The following MAEL variants were observed in gnomAD, a reference collection of about 807,000 sequenced individuals.
The protein encoded by MAEL is maelstrom spermatogenic transposon silencer, also known as protein maelstrom homolog.
A neutral mutation model predicts 62.0 loss-of-function variants in MAEL; 46 were observed. The observed-to-expected ratio is 0.74, with a 90% CI of 0.59 to 0.95. The LOEUF (loss-of-function observed/expected upper bound fraction) is 0.95. Among genes scored for constraint, MAEL ranks in the 40% least tolerant of loss-of-function variants. The pLI is 0.00. For synonymous variants in MAEL, 172 were observed against 175.5 expected (o/e 0.98, Z 0.16); for missense variants, 497 against 526.8 (o/e 0.94, Z 0.55).
At chr1:166,977,539 A>T (rs764212683) in intron 1 of MAEL, among the ~76,000 whole-genome samples, 9 of 152,232 alleles carry the variant, frequency 5.9e-5, no homozygotes, top group Non-Finnish European at 1.3e-4. Context: ...CAAAAAGAAC[A>T]TCTACACCAG....
intron 8 of MAEL, among the ~76,000 whole-genome samples, chr1:167,011,116 A>G (rs1214760604): frequency 6.6e-6 from 1 of 152,100 alleles, no homozygotes; most frequent in Non-Finnish European, 1.5e-5. Flanking sequence ...ATATTTACGT[A>G]AAGAATGGGC....
intron 2 of MAEL, among the ~76,000 whole-genome samples, chr1:166,991,132 T>C (rs952409982): frequency 2.0e-5 from 3 of 152,198 alleles, no homozygotes; most frequent in Admixed American, 6.5e-5. Context: ...GGATAATCAG[T>C]AGTGGGCAAA....
At chr1:167,000,666 G>A (rs1664623470) in intron 5 of MAEL, among the ~76,000 whole-genome samples, 1 of 152,198 alleles carries the variant, frequency 6.6e-6, no homozygotes, top group African/African-American at 2.4e-5. Context: ...CTTCATGAGA[G>A]GAAGAGTCAG....
At chr1:167,016,319 T>G in intron 9 of MAEL, 35 bp downstream of exon 9, 1 of 1,588,760 alleles carries the variant, frequency 6.3e-7, no homozygotes, top group Non-Finnish European at 8.6e-7. Context: ...CATAATACTG[T>G]ATTCTGATTA....
chr1:167,004,191 C>A lies in MAEL; in HGVS notation c.535C>A (p.His179Asn). 6.2e-7 allele frequency: 1 copy of A among 1,607,524 alleles called. No homozygotes were observed. Among genetic ancestry groups the A allele is most frequent in the Non-Finnish European group, 8.5e-7 (1 of 1,177,334 alleles). Residue 179 changes from histidine (H) to asparagine (N), a missense_variant, in exon 6 of 12, where the codon CAC (histidine) becomes AAC (asparagine). His to Asn is a moderately conservative substitution (Grantham distance 68, BLOSUM62 1). Transcript: ENST00000367872. ...FHCQAASDSSHKIPISNFERG... is the reference protein window; with the variant it reads ...FHCQAASDSSNKIPISNFERG... The stretch of plus-strand genomic sequence containing the variant: ...TTTATTTCCCTCAGGTGATTCTAGT[C>A]ACAAGATTCCTATTTCAAATTTTGA...
At chr1:166,998,592 G>A (rs1052747212) in intron 5 of MAEL, among the ~76,000 whole-genome samples, 1 of 151,840 alleles carries the variant, frequency 6.6e-6, no homozygotes, top group African/African-American at 2.4e-5. Context: ...CTAGTGTTTC[G>A]CCAGTGAGTA....
At chr1:166,977,689 C>T (rs1418309057) in intron 1 of MAEL, among the ~76,000 whole-genome samples, 1 of 152,222 alleles carries the variant, frequency 6.6e-6, no homozygotes, top group South Asian at 2.1e-4. Flanking sequence ...TGCAGTGGCT[C>T]ACACCTGTAA....
At chr1:166,981,098 C>T (rs886463263) in intron 1 of MAEL, among the ~76,000 whole-genome samples, 1 of 152,182 alleles carries the variant, frequency 6.6e-6, no homozygotes, top group African/African-American at 2.4e-5. Context: ...AGAAACTGCT[C>T]AAGCAAGAGA....
At chr1:166,975,903 G>A (rs1663562974) in intron 1 of MAEL, among the ~76,000 whole-genome samples, 1 of 152,122 alleles carries the variant, frequency 6.6e-6, no homozygotes, top group Admixed American at 6.5e-5. Flanking sequence ...AGTGACAGCG[G>A]CGAGGGTGGG....
At chr1:167,004,511 T>G (rs139341513) in intron 6 of MAEL, among the ~76,000 whole-genome samples, 1 of 152,244 alleles carries the variant, frequency 6.6e-6, no homozygotes, top group African/African-American at 2.4e-5. Flanking sequence ...CTGCAAAAGC[T>G]AAACATATAT....
chr1:166,998,211 G>A (rs1382074931), intron 5 of MAEL, among the ~76,000 whole-genome samples: 1 of 152,150 alleles, frequency 6.6e-6, no homozygotes. Context: ...TCATTTTGGA[G>A]AAAACTGGTA....
chr1:167,016,579 G>A (rs192518033), intron 9 of MAEL, among the ~76,000 whole-genome samples: 95 of 152,154 alleles, frequency 6.2e-4, no homozygotes, highest in South Asian at 4.2e-3. Context: ...CAGTTTGGAC[G>A]TTCTCCAAAA....
chr1:166,993,940 G>C, intron 4 of MAEL, 88 bp from the exon 5 acceptor site: 1 of 923,770 alleles, frequency 1.1e-6, no homozygotes, highest in Non-Finnish European at 1.7e-6. Context: ...ACCTTTCTGT[G>C]TGATAACTTG....
At chr1:167,009,797 C>G (rs917806144) in intron 8 of MAEL, among the ~76,000 whole-genome samples, 12 of 152,044 alleles carry the variant, frequency 7.9e-5, no homozygotes, top group Admixed American at 7.2e-4. Context: ...TGAATCTGTT[C>G]AGCCTTGGGC....
chr1:166,980,327 A>T (rs1469327866), intron 1 of MAEL, among the ~76,000 whole-genome samples: 1 of 152,156 alleles, frequency 6.6e-6, no homozygotes, highest in African/African-American at 2.4e-5. Flanking sequence ...TGCCCAGCCT[A>T]TAATTTTCTA....
chr1:166,985,827 A>G (rs1443746085), upstream of MAEL, among the ~76,000 whole-genome samples: 1 of 152,218 alleles, frequency 6.6e-6, no homozygotes, highest in Non-Finnish European at 1.5e-5. Context: ...AAGAAAAATC[A>G]ATCAGTAGAA....
upstream of MAEL, among the ~76,000 whole-genome samples, chr1:166,986,602 A>G (rs1663922042): frequency 1.3e-5 from 2 of 152,254 alleles, no homozygotes; most frequent in South Asian, 4.1e-4. Flanking sequence ...AATAGAATGT[A>G]TAACTTTAAA....
chr1:166,991,617 C>A, intron 3 of MAEL, 140 bp downstream of exon 3: 1 of 539,860 alleles, frequency 1.9e-6, no homozygotes. Context: ...GTGGTACTGA[C>A]ATTATAAAAG....
At chr1:166,992,924 T>G in intron 4 of MAEL, 83 bp downstream of exon 4, 1 of 1,158,746 alleles carries the variant, frequency 8.6e-7, no homozygotes. Flanking sequence ...AATAGTACTT[T>G]TTCTTACAAG....
Sources: allele counts gnomAD v4.1 joint callset (sites outside exome capture counted in the v4.1 genomes callset), GRCh38; gene constraint gnomAD v4.1.1; transcripts MANE v1.5; gene names NCBI Gene and HGNC (gene_info 2026-07-23, HGNC 2026-07-21).